The following LHX4 variants were observed in gnomAD, a reference collection of about 807,000 sequenced individuals.
The protein encoded by LHX4 is LIM/homeobox protein Lhx4.
A neutral mutation model predicts 39.2 loss-of-function variants in LHX4; 16 were observed. The ratio of observed to expected loss-of-function variants is 0.41; its 90% confidence interval spans 0.28 to 0.62. The LOEUF (loss-of-function observed/expected upper bound fraction) is 0.62. Ranked by LOEUF, LHX4 falls within the 20% of genes least tolerant of loss-of-function variation. The pLI is 0.33. For synonymous variants in LHX4, 206 were observed against 198.1 expected, an observed-to-expected ratio of 1.04 and a Z score of -0.33; for missense variants, 439 against 511.9, an observed-to-expected ratio of 0.86 and a Z score of 1.37.
At chr1:180,270,951 GA>G (rs1222236486) in intron 3 of LHX4, 7 of 297,710 alleles carry the variant, frequency 2.4e-5, no homozygotes, top group Non-Finnish European at 4.0e-5. Context: ...GACTCCTGAT[GA>G]GACAGAGGGG....
intron 3 of LHX4, chr1:180,270,231 G>A (rs901481472): frequency 6.6e-6 from 1 of 152,222 alleles, no homozygotes; most frequent in Non-Finnish European, 1.5e-5. Flanking sequence ...ACCAGCACAT[G>A]GTAGGTGCTA....
intron 2 of LHX4, among the ~76,000 whole-genome samples, chr1:180,264,829 C>T (rs1648250015): frequency 6.6e-6 from 1 of 152,200 alleles, no homozygotes. Context: ...TGGGGTCCTC[C>T]CAAGCCACCA....
At chr1:180,255,465 CT>C (rs1397524023) in intron 2 of LHX4, among the ~76,000 whole-genome samples, 5 of 152,264 alleles carry the variant, frequency 3.3e-5, no homozygotes, top group Admixed American at 2.0e-4. Context: ...GGGTGTGTCT[CT>C]TTGATGTGTG....
At chr1:180,250,638 T>G (rs548064743) in intron 2 of LHX4, among the ~76,000 whole-genome samples, 7 of 152,248 alleles carry the variant, frequency 4.6e-5, no homozygotes, top group Middle Eastern at 3.4e-3. Context: ...CTGTGGGGTA[T>G]GAGCAAAGCC....
intron 2 of LHX4, among the ~76,000 whole-genome samples, chr1:180,252,063 G>C (rs1269133642): frequency 6.6e-6 from 1 of 152,208 alleles, no homozygotes; most frequent in Non-Finnish European, 1.5e-5. Flanking sequence ...CAGACAGGGA[G>C]GCAGCAGGCT....
At position 180,234,909 on chromosome 1, in the gene LHX4, G is replaced by A. The variant is rs1664276082; in HGVS notation, c.76+4304G>A. Among the ~76,000 whole-genome samples, 1 of 152,210 alleles carries A rather than the reference G, an allele frequency of 6.6e-6. No homozygotes were observed. Among genetic ancestry groups the A allele is most frequent in the Non-Finnish European group, 1.5e-5 (1 of 68,032 alleles). On this transcript the variant is annotated intron_variant, in intron 1 of 5. Transcript: ENST00000263726. The surrounding 1 kb of genome is among the most constrained non-coding windows in gnomAD (Gnocchi z 4.8). ...CGGGGCAGGGCTCCTCCGCCCCGCG[G>A]GCAGATGCCGGCCTGGGTGGCCCGG... is the stretch of plus-strand genomic sequence containing the variant.
chr1:180,266,359 G>T lies in LHX4; in HGVS notation c.249-33G>T. 1 of 1,611,304 alleles carries T rather than the reference G, an allele frequency of 6.2e-7. No individual in the cohort carries two copies. Among genetic ancestry groups the T allele is most frequent in the Non-Finnish European group, 8.5e-7 (1 of 1,177,914 alleles). On this transcript the variant is annotated intron_variant, in intron 2 of 5. Transcript: ENST00000263726. The surrounding 1 kb of genome is among the most constrained non-coding windows in gnomAD (Gnocchi z 5.7). ...GGGGAAGCCAGATCCCTTGCTCCCT[G>T]TGTGCCCTAATCCTTTCCTGCTGCC...
At chr1:180,246,594 C>T (rs1647392489) in intron 1 of LHX4, among the ~76,000 whole-genome samples, 1 of 152,078 alleles carries the variant, frequency 6.6e-6, no homozygotes. Context: ...GCCTGTAATC[C>T]CAGCTACTCA....
chr1:180,265,330 T>TGCCTCCC (rs1648267726), intron 2 of LHX4, among the ~76,000 whole-genome samples: 1 of 152,210 alleles, frequency 6.6e-6, no homozygotes, highest in African/African-American at 2.4e-5. Context: ...GCTTTCCCAA[T>TGCCTCCC]GCCTCCCGCC....
chr1:180,261,714 C>T (rs1252838599), intron 2 of LHX4, among the ~76,000 whole-genome samples: 1 of 152,152 alleles, frequency 6.6e-6, no homozygotes, highest in East Asian at 1.9e-4. Context: ...CTGAAATATA[C>T]CTCAGGCAGA....
intron 2 of LHX4, among the ~76,000 whole-genome samples, chr1:180,258,115 C>T (rs1235558394): frequency 6.6e-6 from 1 of 152,222 alleles, no homozygotes; most frequent in East Asian, 1.9e-4. Context: ...CCTGCTGTTG[C>T]AGAACTTGCC....
chr1:180,241,056 G>A (rs1223035652), intron 1 of LHX4, among the ~76,000 whole-genome samples: 2 of 152,194 alleles, frequency 1.3e-5, no homozygotes, highest in African/African-American at 2.4e-5. Flanking sequence ...AGCCCCAAAC[G>A]TCAATTTCAA....
At chr1:180,231,793 C>G (rs1024261793) in intron 1 of LHX4, among the ~76,000 whole-genome samples, 2 of 152,076 alleles carry the variant, frequency 1.3e-5, no homozygotes, top group Non-Finnish European at 2.9e-5. Flanking sequence ...CTAGGGCGCA[C>G]GAGCGCGCCC....
In LHX4 at chr1:180,278,316, T is replaced by G. The variant is rs1254474011; in HGVS notation, c.*3737T>G. On this transcript the variant is annotated 3_prime_UTR_variant, in exon 6 of 6. Transcript: ENST00000263726. ...GAAGGGCTCTGGGCATGCTGAAAGC[T>G]AAATGAAAAGCACATCACTGGCTCT... The G allele has an allele frequency of 6.9e-6, 1 of 144,598 alleles. No homozygotes were observed. Among genetic ancestry groups the G allele is most frequent in the Admixed American group, 7.1e-5 (1 of 14,060 alleles). The allele number at this position is 144,598 out of a possible 1,614,324, so 9.0% of individuals were successfully genotyped here.
intron 2 of LHX4, among the ~76,000 whole-genome samples, chr1:180,264,365 TACACACACACATAACAC>T (rs1453219088): frequency 6.4e-5 from 7 of 109,620 alleles, no homozygotes; most frequent in African/African-American, 2.5e-4. Flanking sequence ...TTCTCTGTTA[TACACACACACATAACAC>T]ACACACACAC....
chr1:180,248,516 A>AG (rs749904315), intron 2 of LHX4, 60 bp downstream of exon 2: 1 of 1,591,412 alleles, frequency 6.3e-7, no homozygotes. Flanking sequence ...CCAAGCAGTG[A>AG]GGGGGAAGTT....
chr1:180,271,925 A>G lies in LHX4; in HGVS notation c.697A>G (p.Arg233Gly). ...RWGQFYKSVK[R>G]SRGSSKQEKE... is the part of the protein sequence containing the mutation. ...GGGGCAGTTCTATAAGAGCGTCAAG[A>G]GGAGCCGGGGCAGCAGCAAGCAGGA... Residue 233 changes from arginine (R) to glycine (G), a missense_variant, in exon 5 of 6, where the codon AGG becomes GGG. Transcript: ENST00000263726. 1 of 1,613,426 alleles carries G rather than the reference A, an allele frequency of 6.2e-7. No individual in the cohort carries two copies. The highest frequency in any genetic ancestry group is 1.3e-5 in the African/African-American group (1 of 74,802).
Position 180,236,485 on chromosome 1 carries a change from G to A in LHX4, c.76+5880G>A, listed in dbSNP as rs543348739. 4.4e-4 allele frequency among the ~76,000 whole-genome samples: 67 copies of A among 152,342 alleles called. 1 individual carries two copies. The highest frequency in any genetic ancestry group is 4.3e-3 in the South Asian group (21 of 4,830). On this transcript the variant is annotated intron_variant, in intron 1 of 5. Transcript: ENST00000263726. ...CCCCAGTGCTGGGAGGAGAGGAGGAGCCGGGGGAAGGAGGATGGGGCTTGC... is the reference window on the plus strand; with the variant it reads ...CCCCAGTGCTGGGAGGAGAGGAGGAACCGGGGGAAGGAGGATGGGGCTTGC...
intron 1 of LHX4, among the ~76,000 whole-genome samples, chr1:180,239,563 G>A (rs1385585482): frequency 6.6e-6 from 1 of 152,194 alleles, no homozygotes; most frequent in Non-Finnish European, 1.5e-5. Context: ...TACTTCTGGA[G>A]GGAAATCACC....
Sources: gnomAD v4.1 joint callset for allele counts (sites outside exome capture counted in the v4.1 genomes callset) on GRCh38, gnomAD v4.1.1 for gene constraint, Gnocchi (gnomAD v3.1) non-coding constraint, MANE v1.5 for transcripts, NCBI Gene and HGNC (gene_info 2026-07-23, HGNC 2026-07-21) for gene names.